Variants in CMIP observed in about 807,000 individuals in gnomAD.
CMIP encodes the protein c-Maf inducing protein.
CMIP carries 13 observed loss-of-function variants against 97.3 expected under a neutral mutation model. The observed-to-expected ratio is 0.13, with a 90% CI of 0.09 to 0.21. The LOEUF is 0.21. CMIP is among the 10% of genes least tolerant of loss of function. The pLI is 1.00. For synonymous variants in CMIP, 538 were observed against 436.3 expected (o/e 1.23, Z -2.91); for missense variants, 847 against 1,024.9 (o/e 0.83, Z 2.37).
intron 20 of CMIP, 90 bp from the exon 21 acceptor site, chr16:81,709,656 C>A: frequency 6.9e-7 from 1 of 1,450,838 alleles, no homozygotes; most frequent in Non-Finnish European, 9.6e-7. Flanking sequence ...GGCAGAGACC[C>A]CCAGCCGGCA....
intron 7 of CMIP, among the ~76,000 whole-genome samples, chr16:81,669,184 C>T (rs540848405): frequency 1.5e-5 from 2 of 135,608 alleles, no homozygotes; most frequent in African/African-American, 5.7e-5. Context: ...CCACACCCAC[C>T]TCTCACCTTC....
intron 13 of CMIP, chr16:81,695,685 G>A (rs1232259118): frequency 6.6e-6 from 1 of 152,274 alleles, no homozygotes; most frequent in Non-Finnish European, 1.5e-5. Flanking sequence ...ATCACAGCAG[G>A]GGCCAGAGTG....
chr16:81,476,610 C>G, intron 1 of CMIP: 1 of 429,814 alleles, frequency 2.3e-6, no homozygotes. Flanking sequence ...AGTATCATTA[C>G]TTGGGCCTTC....
intron 1 of CMIP, among the ~76,000 whole-genome samples, chr16:81,478,293 A>T (rs1165970932): frequency 2.0e-5 from 3 of 152,126 alleles, no homozygotes; most frequent in Non-Finnish European, 4.4e-5. Context: ...GGGCAGAGGG[A>T]GTGGTAAGGT....
At chr16:81,664,032 C>T (rs948907164) in intron 6 of CMIP, among the ~76,000 whole-genome samples, 1 of 152,174 alleles carries the variant, frequency 6.6e-6, no homozygotes, top group Non-Finnish European at 1.5e-5. Context: ...GGAGGCTGTG[C>T]GTGCCGGGGG....
chr16:81,540,018 G>A (rs1034752707), intron 1 of CMIP, among the ~76,000 whole-genome samples: 1 of 152,204 alleles, frequency 6.6e-6, no homozygotes, highest in Non-Finnish European at 1.5e-5. Flanking sequence ...AACAAACGAT[G>A]GCAGTGAACG....
intron 5 of CMIP, 113 bp from the exon 6 acceptor site, chr16:81,660,771 A>G: frequency 2.8e-6 from 3 of 1,059,212 alleles, no homozygotes; most frequent in Non-Finnish European, 4.4e-6. Context: ...GTGATGCAGG[A>G]TGTGTTGCTC....
chr16:81,613,987 A>G (rs1224172361), intron 2 of CMIP, among the ~76,000 whole-genome samples: 2 of 152,318 alleles, frequency 1.3e-5, no homozygotes, highest in South Asian at 2.1e-4. Context: ...CCCAGAGCCC[A>G]TAGCCTGCAG....
At chr16:81,507,655 C>A (rs999713839) in intron 1 of CMIP, among the ~76,000 whole-genome samples, 2 of 152,144 alleles carry the variant, frequency 1.3e-5, no homozygotes. Context: ...ATTCAGGAGT[C>A]ATTGGAGATA....
chr16:81,554,737 G>A (rs948157700), intron 1 of CMIP, among the ~76,000 whole-genome samples: 2 of 152,110 alleles, frequency 1.3e-5, no homozygotes, highest in African/African-American at 4.8e-5. Context: ...TCTTCTCTGG[G>A]CCTCAGTTCT....
intron 1 of CMIP, among the ~76,000 whole-genome samples, chr16:81,550,612 A>G (rs1383770489): frequency 6.6e-6 from 1 of 152,154 alleles, no homozygotes. Flanking sequence ...TGCTATTGCT[A>G]GGATAGACCA....
At chr16:81,673,658 C>T (rs1436378407) in intron 9 of CMIP, among the ~76,000 whole-genome samples, 4 of 152,228 alleles carry the variant, frequency 2.6e-5, no homozygotes, top group Non-Finnish European at 5.9e-5. Context: ...CCGAGGCTGG[C>T]GGTGCTGGGA....
chr16:81,693,291 T>C, intron 12 of CMIP, 107 bp downstream of exon 12: 1 of 1,400,340 alleles, frequency 7.1e-7, no homozygotes, highest in Non-Finnish European at 1.0e-6. Context: ...TGGCTCCTCT[T>C]GGCAGTTCTC....
At chr16:81,588,379 T>A (rs1024593562) in intron 1 of CMIP, among the ~76,000 whole-genome samples, 1 of 152,208 alleles carries the variant, frequency 6.6e-6, no homozygotes, top group African/African-American at 2.4e-5. Flanking sequence ...TCCCTTCCAG[T>A]TGATTCTCTG....
At chr16:81,693,634 G>A (rs72831117) in intron 13 of CMIP, 147 bp downstream of exon 13, 64,144 of 846,106 alleles carry the variant, frequency 0.076, 2,701 homozygotes, top group Non-Finnish European at 0.086. Context: ...ACACATCCCC[G>A]CCTGGTGCAG....
At chr16:81,537,953 G>A (rs1318522847) in intron 1 of CMIP, among the ~76,000 whole-genome samples, 4 of 152,248 alleles carry the variant, frequency 2.6e-5, no homozygotes, top group Admixed American at 1.3e-4. Context: ...CCGTCAGGCC[G>A]AGGCGGGTGG....
intron 1 of CMIP, among the ~76,000 whole-genome samples, chr16:81,526,655 TTACTC>T (rs2090139522): frequency 6.6e-6 from 1 of 152,224 alleles, no homozygotes; most frequent in Non-Finnish European, 1.5e-5. Flanking sequence ...TTTAAGAAGA[TTACTC>T]TAAGAAGGGG....
intron 1 of CMIP, among the ~76,000 whole-genome samples, chr16:81,504,273 C>T (rs919515599): frequency 2.0e-5 from 3 of 151,630 alleles, no homozygotes; most frequent in African/African-American, 7.3e-5. Flanking sequence ...TTGCAGTGGG[C>T]TGAGATCATG....
rs188445188 is a variant in CMIP at position 81,664,425 on chromosome 16, G to A, written c.825+76G>A. On this transcript the variant is annotated intron_variant, in intron 7 of 20. Coordinates refer to ENST00000537098, the MANE Select transcript of CMIP (RefSeq NM_198390.3). ...CCCGCGCGCCTCCCTGGCCTTTTGCGTTGGCACAGATTTGGGGAATGTGGT... is the reference window on the plus strand; with the variant it reads ...CCCGCGCGCCTCCCTGGCCTTTTGCATTGGCACAGATTTGGGGAATGTGGT... The A allele has an allele frequency of 1.2e-4, 167 of 1,401,416 alleles. 1 individual carries two copies. In the East Asian group the frequency reaches 3.0e-3, roughly 25 times the overall value. The allele number at this position is 1,401,416 out of a possible 1,614,324, so 86.8% of individuals were successfully genotyped here. A position where few individuals can be genotyped will look rare whatever the true frequency, so the allele number is the denominator to read the frequency against.
Sources: gnomAD v4.1 joint callset for allele counts (sites outside exome capture counted in the v4.1 genomes callset) on GRCh38, gnomAD v4.1.1 for gene constraint, MANE v1.5 for transcripts, NCBI Gene and HGNC (gene_info 2026-07-23, HGNC 2026-07-21) for gene names.